The following ST6GALNAC3 variants were observed in gnomAD, a reference collection of about 807,000 sequenced individuals.
The protein encoded by ST6GALNAC3 is ST6 N-acetylgalactosaminide alpha-2,6-sialyltransferase 3, also known as alpha-N-acetylgalactosaminide alpha-2,6-sialyltransferase 3.
Under a neutral mutation model 32.7 loss-of-function variants are expected in ST6GALNAC3, and 25 were observed. That is an observed-to-expected ratio of 0.76 (90% CI 0.56 to 1.07). ST6GALNAC3 has a LOEUF of 1.07. ST6GALNAC3 is among the 50% of genes least tolerant of loss of function. The pLI is 0.00. For synonymous variants in ST6GALNAC3, 129 were observed against 133.1 expected, an observed-to-expected ratio of 0.97 and a Z score of 0.21; for missense variants, 355 against 382.4, an observed-to-expected ratio of 0.93 and a Z score of 0.60.
intron 3 of ST6GALNAC3, among the ~76,000 whole-genome samples, chr1:76,458,592 G>A (rs541484118): frequency 9.4e-5 from 14 of 149,668 alleles, no homozygotes; most frequent in African/African-American, 3.5e-4. Context: ...GTAGGGACAT[G>A]GATGAAATTG....
intron 2 of ST6GALNAC3, among the ~76,000 whole-genome samples, chr1:76,346,064 CT>C (rs935411579): frequency 4.6e-5 from 7 of 152,114 alleles, no homozygotes; most frequent in South Asian, 2.1e-4. Context: ...CCCCACTTTG[CT>C]TTAATTTTCT....
chr1:76,531,180 G>A (rs953445007), intron 3 of ST6GALNAC3, among the ~76,000 whole-genome samples: 6 of 152,178 alleles, frequency 3.9e-5, no homozygotes, highest in African/African-American at 1.4e-4. Flanking sequence ...TCCAGTGAAT[G>A]CAATGTATGC....
intron 3 of ST6GALNAC3, among the ~76,000 whole-genome samples, chr1:76,430,933 A>T (rs1571207049): frequency 6.6e-6 from 1 of 152,192 alleles, no homozygotes; most frequent in East Asian, 1.9e-4. Flanking sequence ...CCTTCTGCTT[A>T]TAGAAATCGT....
intron 1 of ST6GALNAC3, among the ~76,000 whole-genome samples, chr1:76,262,213 A>T (rs948141723): frequency 6.6e-6 from 1 of 152,208 alleles, no homozygotes; most frequent in East Asian, 1.9e-4. Context: ...AGAGAAATAT[A>T]CCCTCATTGT....
chr1:76,239,225 C>G (rs935451112), intron 1 of ST6GALNAC3, among the ~76,000 whole-genome samples: 8 of 152,184 alleles, frequency 5.3e-5, no homozygotes, highest in African/African-American at 1.9e-4. Flanking sequence ...GGGTGATGCT[C>G]TTTCTTCTAA....
intron 1 of ST6GALNAC3, among the ~76,000 whole-genome samples, chr1:76,122,735 C>A (rs753234361): frequency 2.1e-4 from 32 of 152,156 alleles, no homozygotes; most frequent in Non-Finnish European, 3.7e-4. Flanking sequence ...CAAGGCACCT[C>A]CCATATTCTG....
At position 76,288,164 on chromosome 1, in the gene ST6GALNAC3, T is replaced by A. The variant is rs568402292; in HGVS notation, c.19-25641T>A. 3.9e-5 allele frequency among the ~76,000 whole-genome samples: 6 copies of A among 152,360 alleles called. No individual in the cohort carries two copies. The South Asian group carries it at 1.2e-3, about 32-fold the overall frequency. On this transcript the variant is annotated intron_variant, in intron 1 of 4. Coordinates refer to ENST00000328299, the MANE Select transcript of ST6GALNAC3 (RefSeq NM_152996.4). Reference sequence around the variant, plus strand: ...GGAGCCTGTGGGCCTAAGGTATGACTGTTGTCTAGAAGCTTTGGGAGAAAG... The same window carrying A: ...GGAGCCTGTGGGCCTAAGGTATGACAGTTGTCTAGAAGCTTTGGGAGAAAG...
intron 1 of ST6GALNAC3, among the ~76,000 whole-genome samples, chr1:76,143,777 T>C (rs1402875262): frequency 6.6e-6 from 1 of 152,156 alleles, no homozygotes; most frequent in Non-Finnish European, 1.5e-5. Flanking sequence ...ATTTCTCATG[T>C]GCTTGAGAAG....
intron 1 of ST6GALNAC3, among the ~76,000 whole-genome samples, chr1:76,098,756 A>G (rs199505658): frequency 5.9e-5 from 9 of 152,164 alleles, no homozygotes; most frequent in Admixed American, 2.6e-4. Flanking sequence ...GGTGTCTTTT[A>G]TGAACAAAAC....
chr1:76,443,141 T>C (rs35789244), intron 3 of ST6GALNAC3, among the ~76,000 whole-genome samples: 38,080 of 152,098 alleles, frequency 0.25, 5,102 homozygotes, highest in Non-Finnish European at 0.29. Context: ...TCTTCTGTTT[T>C]TTTTGTTGTT....
At chr1:76,460,305 A>G (rs1012554071) in intron 3 of ST6GALNAC3, among the ~76,000 whole-genome samples, 3 of 152,064 alleles carry the variant, frequency 2.0e-5, no homozygotes, top group Non-Finnish European at 4.4e-5. Flanking sequence ...TCTTTTGCCC[A>G]TTTTTAAATT....
chr1:76,576,125 C>T (rs776950426), intron 3 of ST6GALNAC3, among the ~76,000 whole-genome samples: 3 of 151,940 alleles, frequency 2.0e-5, no homozygotes, highest in Non-Finnish European at 2.9e-5. Context: ...CTAGGGAAAC[C>T]TTAGGCAACT....
intron 3 of ST6GALNAC3, among the ~76,000 whole-genome samples, chr1:76,535,000 G>A (rs1228141360): frequency 1.3e-5 from 2 of 151,932 alleles, no homozygotes; most frequent in African/African-American, 4.8e-5. Flanking sequence ...AATCTAACTT[G>A]CTAAGACTGA....
Position 76,157,297 on chromosome 1 carries a change from G to A in ST6GALNAC3, c.18+82413G>A, listed in dbSNP as rs72994509. Reference sequence around the variant, plus strand: ...GTCTCCAGCTCTAAGCCATTATCACGTGGATCATTCTAGCCTTCCCCCTTG... The same window carrying A: ...GTCTCCAGCTCTAAGCCATTATCACATGGATCATTCTAGCCTTCCCCCTTG... On this transcript the variant is annotated intron_variant, in intron 1 of 4. Coordinates refer to ENST00000328299, the MANE Select transcript of ST6GALNAC3 (RefSeq NM_152996.4). Among the ~76,000 whole-genome samples the A allele has an allele frequency of 3.0e-3, 454 of 152,274 alleles. 3 individuals are homozygous for A. The highest frequency in any genetic ancestry group is 0.01 in the African/African-American group (428 of 41,532).
chr1:76,124,745 A>G (rs2100846361), intron 1 of ST6GALNAC3, among the ~76,000 whole-genome samples: 1 of 152,156 alleles, frequency 6.6e-6, no homozygotes, highest in African/African-American at 2.4e-5. Context: ...TTGATCATCT[A>G]TTTCTTCAGG....
chr1:76,112,523 C>A (rs1648094706), intron 1 of ST6GALNAC3, among the ~76,000 whole-genome samples: 1 of 151,378 alleles, frequency 6.6e-6, no homozygotes. Context: ...GGGTATTGAC[C>A]CCCACCTCCC....
intron 2 of ST6GALNAC3, among the ~76,000 whole-genome samples, chr1:76,401,653 G>C (rs371125657): frequency 6.6e-6 from 1 of 152,010 alleles, no homozygotes. Context: ...ATTTTTCTTT[G>C]GTTGTTCTAG....
chr1:76,303,332 G>T (rs772839487), intron 1 of ST6GALNAC3, among the ~76,000 whole-genome samples: 1 of 151,946 alleles, frequency 6.6e-6, no homozygotes, highest in Non-Finnish European at 1.5e-5. Context: ...AAAAAGTGGG[G>T]TTTTGCAAAG....
chr1:76,572,379 A>G (rs1047256368), intron 3 of ST6GALNAC3, among the ~76,000 whole-genome samples: 1 of 152,164 alleles, frequency 6.6e-6, no homozygotes, highest in Non-Finnish European at 1.5e-5. Context: ...ACTCAAGGCC[A>G]GGTAAACATA....
Sources: gnomAD v4.1 joint callset for allele counts (sites outside exome capture counted in the v4.1 genomes callset) on GRCh38, gnomAD v4.1.1 for gene constraint, MANE v1.5 for transcripts, NCBI Gene and HGNC (gene_info 2026-07-23, HGNC 2026-07-21) for gene names.